The following IARS1 variants were observed in gnomAD, a reference collection of about 807,000 sequenced individuals.
The protein encoded by IARS1 is isoleucyl-tRNA synthetase 1, also known as isoleucine--tRNA ligase, cytoplasmic.
In IARS1, 124 loss-of-function variants were observed where a neutral mutation model predicts 168.2. The ratio of observed to expected loss-of-function variants is 0.74; its 90% confidence interval spans 0.64 to 0.86. The LOEUF (loss-of-function observed/expected upper bound fraction) is 0.86. IARS1 is among the 40% of genes least tolerant of loss of function. The pLI is 0.00. For synonymous variants in IARS1, 532 were observed against 529.4 expected (o/e 1.00, Z -0.07); for missense variants, 1,452 against 1,515.8 (o/e 0.96, Z 0.70).
chr9:92,226,366 A>C (rs1440591086), intron 31 of IARS1, among the ~76,000 whole-genome samples: 6 of 152,216 alleles, frequency 3.9e-5, no homozygotes, highest in Admixed American at 3.3e-4. Context: ...GTGGCAGTTA[A>C]TAGTACCTCA....
rs112851185 is a variant in IARS1, at chr9:92,292,139, C to T, written c.-8+1472G>A. Among the ~76,000 whole-genome samples the T allele has an allele frequency of 9.3e-5, 14 of 149,788 alleles. 1 individual carries two copies. The highest frequency in any genetic ancestry group is 1.9e-4 in the East Asian group (1 of 5,132). On this transcript the variant is annotated intron_variant, in intron 1 of 33. Transcript: ENST00000443024. ...TTCAGGTGTTCCTCCCAGTTTAGCC[C>T]GCCAAGTAGCTAGGACTACAGGTGT... is the stretch of plus-strand genomic sequence containing the variant.
intron 25 of IARS1, among the ~76,000 whole-genome samples, chr9:92,249,226 G>C (rs1470802895): frequency 2.0e-5 from 3 of 152,174 alleles, no homozygotes; most frequent in Admixed American, 2.0e-4. Context: ...GCATAATTTG[G>C]AGGAACAAAG....
intron 31 of IARS1, 149 bp downstream of exon 31, chr9:92,228,852 C>T: frequency 3.8e-6 from 3 of 798,470 alleles, no homozygotes; most frequent in African/African-American, 1.7e-5. Context: ...TGAATAGACA[C>T]TGCAGGCAGG....
intron 7 of IARS1, 50 bp from the exon 8 acceptor site, chr9:92,278,336 T>C: frequency 7.8e-7 from 1 of 1,285,578 alleles, no homozygotes; most frequent in South Asian, 1.2e-5. Context: ...TGAACTTGGC[T>C]GATTCCAAAG....
intron 22 of IARS1, among the ~76,000 whole-genome samples, chr9:92,251,330 C>T (rs956418133): frequency 1.3e-5 from 2 of 152,128 alleles, no homozygotes; most frequent in South Asian, 2.1e-4. Context: ...AAGTTGGAGC[C>T]GTTCCACTTT....
chr9:92,227,812 T>C (rs893074251), intron 31 of IARS1, among the ~76,000 whole-genome samples: 2 of 139,230 alleles, frequency 1.4e-5, no homozygotes, highest in African/African-American at 5.5e-5. Flanking sequence ...ACTTCCTAGA[T>C]GGGATGGCGG....
At chr9:92,211,308 T>C (rs1837717223) in intron 33 of IARS1, among the ~76,000 whole-genome samples, 1 of 152,114 alleles carries the variant, frequency 6.6e-6, no homozygotes, top group Non-Finnish European at 1.5e-5. Context: ...TGTTGTCAGA[T>C]GTAAGGGATG....
chr9:92,274,339 C>T, intron 10 of IARS1, 87 bp downstream of exon 10: 1 of 986,656 alleles, frequency 1.0e-6, no homozygotes, highest in Admixed American at 1.8e-5. Context: ...AACCTGGTAA[C>T]CCAACATGAT....
intron 17 of IARS1, among the ~76,000 whole-genome samples, chr9:92,261,575 G>A (rs996573814): frequency 1.3e-5 from 2 of 152,152 alleles, no homozygotes; most frequent in African/African-American, 4.8e-5. Flanking sequence ...AAGCAAATAA[G>A]TATATGTAAA....
At chr9:92,284,277 T>C (rs1307606542) in intron 6 of IARS1, among the ~76,000 whole-genome samples, 1 of 152,236 alleles carries the variant, frequency 6.6e-6, no homozygotes, top group Non-Finnish European at 1.5e-5. Context: ...AGATTATTTA[T>C]GAAAGATCTA....
chr9:92,282,936 C>T (rs1763088438), intron 6 of IARS1, among the ~76,000 whole-genome samples: 1 of 150,534 alleles, frequency 6.6e-6, no homozygotes, highest in Non-Finnish European at 1.5e-5. Context: ...CTCACTGCAA[C>T]CTCAACTTCC....
chr9:92,253,283 C>T, intron 21 of IARS1, 79 bp downstream of exon 21: 1 of 862,630 alleles, frequency 1.2e-6, no homozygotes, highest in Non-Finnish European at 1.9e-6. Flanking sequence ...TGTTCCTCTC[C>T]CTTCTGGCTA....
In IARS1 at chr9:92,251,868, C is replaced by T. The variant is rs777307275; in HGVS notation, c.2247G>A (p.Glu749=). ...AGGTTTCTAGGGCCATGACACAATC[C>T]TCCATCCCATTTTCACCCTAATGAG... ...RRRLKGENGM[E]DCVMALETLF... The change falls in exon 22 of 34, where the codon GAG becomes GAA. Residue 749 remains glutamate (E), a synonymous_variant. Coordinates refer to ENST00000443024, the MANE Select transcript of IARS1 (RefSeq NM_002161.6). 14 of 1,612,894 alleles carry T rather than the reference C, an allele frequency of 8.7e-6. No individual in the cohort carries two copies. The highest frequency in any genetic ancestry group is 1.1e-5 in the Non-Finnish European group (13 of 1,178,884).
chr9:92,254,710 TAC>T (rs1239723015), intron 20 of IARS1, among the ~76,000 whole-genome samples: 4 of 152,108 alleles, frequency 2.6e-5, no homozygotes, highest in African/African-American at 9.7e-5. Flanking sequence ...GAACTCCACA[TAC>T]AATGGATAAA....
chr9:92,274,481 T>TA lies in IARS1; in HGVS notation c.934dup (p.Tyr312LeufsTer20). The TA allele has an allele frequency of 1.9e-6, 3 of 1,613,966 alleles. No homozygotes were observed. The highest frequency in any genetic ancestry group is 2.5e-6 in the Non-Finnish European group (3 of 1,179,874). On this transcript the variant is annotated frameshift_variant, in exon 10 of 34. Coordinates refer to ENST00000443024, the MANE Select transcript of IARS1 (RefSeq NM_002161.6). LOFTEE classifies it high-confidence loss of function. ...CCCTGTGCCTTCTTCTTCCTTCACA[T>TA]AGTTGTCAACAAGCACAGTGAAAGC...
At chr9:92,240,777 A>G (rs777679320) in intron 30 of IARS1, 79 bp downstream of exon 30, 92 of 805,978 alleles carry the variant, frequency 1.1e-4, no homozygotes, top group East Asian at 7.1e-4. Context: ...AAAAACATCC[A>G]TAAGTTTTTT....
chr9:92,252,021 A>C, intron 21 of IARS1, 136 bp from the exon 22 acceptor site: 31 of 672,588 alleles, frequency 4.6e-5, no homozygotes, highest in Non-Finnish European at 5.8e-5. Context: ...AGAAAGGAGA[A>C]AGGGCCACGA....
chr9:92,251,898 A>C lies in IARS1; in HGVS notation c.2230-13T>G, dbSNP rs761043596. On this transcript the variant is annotated splice_polypyrimidine_tract_variant and intron_variant, in intron 21 of 33. Coordinates refer to ENST00000443024, the MANE Select transcript of IARS1 (RefSeq NM_002161.6). ...TCCCATTTTCACCCTAATGAGTAAA[A>C]AGGAAACATAAACATTAAACTGTTA... is the stretch of plus-strand genomic sequence containing the variant. 3.8e-6 allele frequency: 6 copies of C among 1,573,922 alleles called. No homozygotes were observed. In the Admixed American group the frequency reaches 1.0e-4, roughly 26 times the overall value.
At chr9:92,220,632 C>G (rs1409128685) in intron 33 of IARS1, among the ~76,000 whole-genome samples, 1 of 151,452 alleles carries the variant, frequency 6.6e-6, no homozygotes, top group Non-Finnish European at 1.5e-5. Flanking sequence ...AACAAACAAA[C>G]AAACAAACAA....
Sources: gnomAD v4.1 joint callset for allele counts (sites outside exome capture counted in the v4.1 genomes callset) on GRCh38, gnomAD v4.1.1 for gene constraint, MANE v1.5 for transcripts, NCBI Gene and HGNC (gene_info 2026-07-23, HGNC 2026-07-21) for gene names.